The following NECTIN3 variants were observed in gnomAD, a reference collection of about 807,000 sequenced individuals.
NECTIN3 encodes nectin-3.
In NECTIN3, 8 loss-of-function variants were observed where a neutral mutation model predicts 49.4. That is an observed-to-expected ratio of 0.16 (90% CI 0.10 to 0.29). The LOEUF (loss-of-function observed/expected upper bound fraction) is 0.29. Among genes scored for constraint, NECTIN3 ranks in the 10% least tolerant of loss-of-function variants. The pLI is 1.00. For missense variants in NECTIN3, 581 were observed against 654.6 expected, an observed-to-expected ratio of 0.89 and a Z score of 1.23; for synonymous variants, 277 against 241.1, an observed-to-expected ratio of 1.15 and a Z score of -1.38.
chr3:111,147,417 C>T, exon 7 of NECTIN3: 1 of 1,531,900 alleles, frequency 6.5e-7, no homozygotes, highest in Non-Finnish European at 8.7e-7. Context: ...GACCTTCCAC[C>T]CACACATAAA....
At chr3:111,119,680 T>G (rs1423575550) in intron 3 of NECTIN3, among the ~76,000 whole-genome samples, 2 of 152,226 alleles carry the variant, frequency 1.3e-5, no homozygotes, top group Non-Finnish European at 2.9e-5. Context: ...GAAAAGTTTC[T>G]TAGTGTTTAA....
chr3:111,083,801 A>AT (rs1553717499), intron 1 of NECTIN3, among the ~76,000 whole-genome samples: 1 of 152,166 alleles, frequency 6.6e-6, no homozygotes, highest in Non-Finnish European at 1.5e-5. Flanking sequence ...CTAAGATACT[A>AT]TATTGAGGGG....
chr3:111,077,343 G>GAAAAAAAAAAAAAAAAAAAAAAA (rs2031279895), intron 1 of NECTIN3: 1 of 29,634 alleles, frequency 3.4e-5, no homozygotes, highest in Non-Finnish European at 5.5e-4. Flanking sequence ...AACTTTAATG[G>GAAAAAAAAAAAAAAAAAAAAAAA]TAAAAAAAAA....
intron 1 of NECTIN3, among the ~76,000 whole-genome samples, chr3:111,079,453 T>G (rs2031452543): frequency 6.6e-6 from 1 of 152,038 alleles, no homozygotes; most frequent in South Asian, 2.1e-4. Flanking sequence ...AGATAATCAT[T>G]CATGGCTATA....
At chr3:111,112,871 A>C (rs534231748) in intron 2 of NECTIN3, among the ~76,000 whole-genome samples, 1 of 152,232 alleles carries the variant, frequency 6.6e-6, no homozygotes, top group Admixed American at 6.5e-5. Context: ...ATATTCCACT[A>C]TTTCCTATGA....
intron 1 of NECTIN3, among the ~76,000 whole-genome samples, chr3:111,090,684 T>C (rs1268094122): frequency 1.4e-5 from 1 of 71,638 alleles, no homozygotes; most frequent in Non-Finnish European, 4.0e-5. Context: ...AGTTCGTTTT[T>C]TCATGGCATC....
At position 111,135,188 on chromosome 3, in the gene NECTIN3, T is replaced by A; in HGVS notation, c.*973T>A. 1.0e-6 allele frequency: 1 copy of A among 981,702 alleles called. No individual in the cohort carries two copies. The highest frequency in any genetic ancestry group is 1.2e-6 in the Non-Finnish European group (1 of 826,676). 60.8% of individuals were successfully genotyped at this position (981,702 alleles called of 1,614,324 possible). A position where few individuals can be genotyped will look rare whatever the true frequency, so the allele number is the denominator to read the frequency against. On this transcript the variant is annotated 3_prime_UTR_variant, in exon 6 of 6. Transcript: ENST00000485303. ...TTGTTTTAGTTATTTAATGTTGATGTTGTTCAAATGGGTAAATGTACAGAA... is the reference window on the plus strand; with the variant it reads ...TTGTTTTAGTTATTTAATGTTGATGATGTTCAAATGGGTAAATGTACAGAA...
chr3:111,079,867 T>C (rs1434480168), intron 1 of NECTIN3, among the ~76,000 whole-genome samples: 2 of 152,082 alleles, frequency 1.3e-5, no homozygotes, highest in Non-Finnish European at 2.9e-5. Context: ...ACTTCTGAGG[T>C]TATATGATTA....
upstream of NECTIN3, among the ~76,000 whole-genome samples, chr3:111,188,273 A>G (rs1319924809): frequency 6.6e-6 from 1 of 152,174 alleles, no homozygotes; most frequent in Non-Finnish European, 1.5e-5. Context: ...AAACAGATAC[A>G]TAATGCTTTC....
chr3:111,094,333 A>G (rs771444093), intron 1 of NECTIN3, among the ~76,000 whole-genome samples: 10 of 152,216 alleles, frequency 6.6e-5, no homozygotes, highest in South Asian at 2.1e-4. Context: ...GTGTGCATAC[A>G]TGAAAATGGA....
intron 7 of NECTIN3, among the ~76,000 whole-genome samples, chr3:111,164,391 A>G (rs1226807031): frequency 6.6e-6 from 1 of 152,208 alleles, no homozygotes; most frequent in Non-Finnish European, 1.5e-5. Context: ...CTGGTTTTGC[A>G]TAGTCAGCCT....
At chr3:111,105,902 C>T (rs1207133225) in intron 1 of NECTIN3, among the ~76,000 whole-genome samples, 1 of 151,444 alleles carries the variant, frequency 6.6e-6, no homozygotes, top group Non-Finnish European at 1.5e-5. Flanking sequence ...AAGGTGTCGT[C>T]TCTATTCTGT....
Position 111,094,157 on chromosome 3 carries a change from T to C in NECTIN3, c.161-17873T>C, listed in dbSNP as rs116190627. On this transcript the variant is annotated intron_variant, in intron 1 of 5. Transcript: ENST00000485303. ...ACTTATTTTATATTTACTATACTTT[T>C]ATTTCATACAAGGAAGGAAAAGACA... Among the ~76,000 whole-genome samples the C allele has an allele frequency of 1.3e-3, 198 of 152,028 alleles. 2 individuals carry two copies. The highest frequency in any genetic ancestry group is 2.3e-3 in the Non-Finnish European group (159 of 67,964).
intron 3 of NECTIN3, among the ~76,000 whole-genome samples, 172 bp from the exon 4 acceptor site, chr3:111,121,949 G>A (rs924863490): frequency 6.6e-6 from 1 of 152,088 alleles, no homozygotes; most frequent in Non-Finnish European, 1.5e-5. Flanking sequence ...TATTCTTTCA[G>A]TCAGCCAATA....
intron 1 of NECTIN3, among the ~76,000 whole-genome samples, chr3:111,090,874 A>T (rs191656371): frequency 1.7e-3 from 242 of 146,636 alleles, no homozygotes; most frequent in African/African-American, 5.8e-3. Flanking sequence ...TCACTTTTGC[A>T]CCAGCCTATT....
chr3:111,149,291 T>C (rs1013417004), intron 7 of NECTIN3, among the ~76,000 whole-genome samples: 8 of 152,144 alleles, frequency 5.3e-5, no homozygotes, highest in African/African-American at 1.9e-4. Flanking sequence ...TCTGTTCTTC[T>C]TTCAAAATTT....
chr3:111,148,479 C>T (rs1010313292), intron 7 of NECTIN3, among the ~76,000 whole-genome samples: 25 of 152,046 alleles, frequency 1.6e-4, no homozygotes, highest in Admixed American at 1.5e-3. Context: ...AGTGTAGTCT[C>T]ATCTCTTGGC....
chr3:111,182,871 T>C lies in NECTIN3; in HGVS notation c.1222-9480T>C, dbSNP rs76541444. ...ATTGCTGTGGTTCAGCTTAAGTCCA[T>C]CATCTTGTTATTTGTCTTCTGTTTG... On this transcript the variant is annotated intron_variant, in intron 7 of 8. Coordinates refer to the NECTIN3 transcript ENST00000493615. 5.7e-3 allele frequency among the ~76,000 whole-genome samples: 864 copies of C among 152,194 alleles called. 11 individuals are homozygous for C. The highest frequency in any genetic ancestry group is 0.019 in the African/African-American group (796 of 41,534).
intron 2 of NECTIN3, among the ~76,000 whole-genome samples, chr3:111,114,220 TATC>T (rs2033593915): frequency 6.6e-6 from 1 of 152,250 alleles, no homozygotes; most frequent in Non-Finnish European, 1.5e-5. Context: ...ACCCAAGTCT[TATC>T]ATCATCATAA....
Sources: gnomAD v4.1 joint callset for allele counts (sites outside exome capture counted in the v4.1 genomes callset) on GRCh38, gnomAD v4.1.1 for gene constraint, MANE v1.5 for transcripts, NCBI Gene and HGNC (gene_info 2026-07-23, HGNC 2026-07-21) for gene names.